MACROD2: variants seen among roughly 807,000 people sequenced by gnomAD.
MACROD2 encodes the protein ADP-ribose glycohydrolase MACROD2.
Under a neutral mutation model 70.4 loss-of-function variants are expected in MACROD2, and 36 were observed. The observed-to-expected ratio is 0.51, with a 90% CI of 0.39 to 0.68. The LOEUF (loss-of-function observed/expected upper bound fraction) is 0.68. Among genes scored for constraint, MACROD2 ranks in the 30% least tolerant of loss-of-function variants. The pLI is 0.00. For missense variants in MACROD2, 496 were observed against 538.4 expected, an observed-to-expected ratio of 0.92 and a Z score of 0.78; for synonymous variants, 172 against 178.8, an observed-to-expected ratio of 0.96 and a Z score of 0.30.
chr20:15,119,534 A>G (rs775556658), intron 5 of MACROD2, among the ~76,000 whole-genome samples: 12 of 152,210 alleles, frequency 7.9e-5, no homozygotes, highest in Non-Finnish European at 1.5e-4. Flanking sequence ...CTTCAATTCA[A>G]CTGCATGACT....
chr20:15,978,598 CTCT>C (rs985145370), intron 13 of MACROD2, among the ~76,000 whole-genome samples: 1 of 150,810 alleles, frequency 6.6e-6, no homozygotes, highest in Non-Finnish European at 1.5e-5. Context: ...CTCTCTCTCT[CTCT>C]CTCTCTCTCT....
intron 3 of MACROD2, among the ~76,000 whole-genome samples, chr20:14,411,033 T>A (rs1391098958): frequency 1.3e-5 from 2 of 152,136 alleles, no homozygotes; most frequent in Non-Finnish European, 2.9e-5. Context: ...TCCAGAAAAG[T>A]ATCACTGGGC....
At chr20:15,243,470 C>G (rs1388911179) in intron 6 of MACROD2, among the ~76,000 whole-genome samples, 1 of 152,130 alleles carries the variant, frequency 6.6e-6, no homozygotes, top group Non-Finnish European at 1.5e-5. Flanking sequence ...TCGAAGGAAA[C>G]AGTCCTCATT....
At chr20:14,898,377 A>G (rs891670858) in intron 5 of MACROD2, among the ~76,000 whole-genome samples, 7 of 152,160 alleles carry the variant, frequency 4.6e-5, no homozygotes, top group Non-Finnish European at 8.8e-5. Flanking sequence ...GTTACCATAT[A>G]TGTTTCTCTT....
chr20:14,382,406 C>G (rs1197264801), intron 3 of MACROD2, among the ~76,000 whole-genome samples: 1 of 151,656 alleles, frequency 6.6e-6, no homozygotes, highest in Admixed American at 6.6e-5. Context: ...TGGTGGCTCA[C>G]GCCTGTAATC....
intron 8 of MACROD2, among the ~76,000 whole-genome samples, chr20:15,785,759 C>T (rs545423943): frequency 6.6e-6 from 1 of 152,022 alleles, no homozygotes; most frequent in Middle Eastern, 3.2e-3. Context: ...CATATCCCAC[C>T]GTGCTTTCTC....
chr20:14,634,829 T>C (rs2123479392), intron 4 of MACROD2, among the ~76,000 whole-genome samples: 1 of 152,314 alleles, frequency 6.6e-6, no homozygotes, highest in East Asian at 1.9e-4. Flanking sequence ...GTATAATAGC[T>C]CTAGACAGGA....
intron 8 of MACROD2, among the ~76,000 whole-genome samples, chr20:15,861,661 C>T (rs1031957069): frequency 6.6e-6 from 1 of 152,138 alleles, no homozygotes; most frequent in South Asian, 2.1e-4. Context: ...TCTGGTCTTC[C>T]GTCAGAAAAT....
intron 7 of MACROD2, among the ~76,000 whole-genome samples, chr20:15,442,792 T>C (rs1241346184): frequency 1.6e-5 from 2 of 123,168 alleles, no homozygotes; most frequent in Non-Finnish European, 3.5e-5. Flanking sequence ...ATAAATTAGT[T>C]TAGGGGCAGT....
chr20:14,048,554 C>T (rs1226006699), intron 2 of MACROD2, among the ~76,000 whole-genome samples: 3 of 152,126 alleles, frequency 2.0e-5, no homozygotes, highest in South Asian at 2.1e-4. Flanking sequence ...TTCAGTATTA[C>T]GACCCTAAAG....
chr20:15,922,282 CAT>C, intron 10 of MACROD2, among the ~76,000 whole-genome samples: 1 of 152,136 alleles, frequency 6.6e-6, no homozygotes, highest in Admixed American at 6.5e-5. Flanking sequence ...GTTACAAATG[CAT>C]ATGTTGTTTT....
chr20:15,227,364 C>T (rs192567924), intron 5 of MACROD2, among the ~76,000 whole-genome samples: 264 of 151,928 alleles, frequency 1.7e-3, no homozygotes, highest in South Asian at 0.017. Flanking sequence ...CCCTCCCTCC[C>T]TTCTCCCTCC....
intron 10 of MACROD2, among the ~76,000 whole-genome samples, chr20:15,903,584 G>A (rs954968352): frequency 2.6e-5 from 4 of 152,124 alleles, no homozygotes; most frequent in African/African-American, 9.7e-5. Context: ...TAGGTTTGGG[G>A]GTGGGGCTGA....
At chr20:15,096,838 G>A (rs2075837185) in intron 5 of MACROD2, among the ~76,000 whole-genome samples, 1 of 99,316 alleles carries the variant, frequency 1.0e-5, no homozygotes, top group Non-Finnish European at 2.0e-5. Flanking sequence ...TTGAGTTGGA[G>A]TCTCACTCTG....
At chr20:15,038,122 T>C (rs2075328240) in intron 5 of MACROD2, among the ~76,000 whole-genome samples, 1 of 152,200 alleles carries the variant, frequency 6.6e-6, no homozygotes, top group Non-Finnish European at 1.5e-5. Flanking sequence ...TTTAATGTGC[T>C]TAGAATATAT....
chr20:15,853,270 G>T (rs527400816), intron 8 of MACROD2, among the ~76,000 whole-genome samples: 2 of 152,212 alleles, frequency 1.3e-5, no homozygotes, highest in South Asian at 4.1e-4. Context: ...CAGGCCCTTT[G>T]CTGAGGACTT....
At position 14,263,166 on chromosome 20, in the gene MACROD2, G is replaced by A. The variant is rs538127628; in HGVS notation, c.271+177438G>A. 2.0e-5 allele frequency among the ~76,000 whole-genome samples: 3 copies of A among 152,196 alleles called. No individual in the cohort carries two copies. The South Asian group carries it at 6.2e-4, about 32-fold the overall frequency. On this transcript the variant is annotated intron_variant, in intron 3 of 17. Transcript: ENST00000684519. The stretch of plus-strand genomic sequence containing the variant: ...AGGAAGGAAGGGAGAGGATACATAT[G>A]GACATGGATAGGCATATCAGTCAAG...
intron 4 of MACROD2, among the ~76,000 whole-genome samples, chr20:14,497,293 T>G (rs758032334): frequency 6.6e-6 from 1 of 151,768 alleles, no homozygotes; most frequent in African/African-American, 2.4e-5. Context: ...AGATTCAGTC[T>G]TAGAAAACAC....
intron 8 of MACROD2, among the ~76,000 whole-genome samples, chr20:15,847,050 A>AT (rs1448754180): frequency 1.3e-5 from 2 of 152,052 alleles, no homozygotes; most frequent in Non-Finnish European, 2.9e-5. Flanking sequence ...CAACTCAGAA[A>AT]TTAAATTACA....
Sources: gnomAD v4.1 joint callset for allele counts (sites outside exome capture counted in the v4.1 genomes callset) on GRCh38, gnomAD v4.1.1 for gene constraint, MANE v1.5 for transcripts, NCBI Gene and HGNC (gene_info 2026-07-23, HGNC 2026-07-21) for gene names.